Variants in NLRC3 observed in about 807,000 individuals in gnomAD.
NLRC3 encodes the protein NLR family CARD domain-containing protein 3.
In NLRC3, 87 loss-of-function variants were observed where a neutral mutation model predicts 91.6. That is an observed-to-expected ratio of 0.95 (90% CI 0.80 to 1.14). The LOEUF is 1.14. Among genes scored for constraint, NLRC3 ranks in the 50% most tolerant of loss-of-function variants. The probability of loss-of-function intolerance (pLI) is 0.00; values close to 1 mark genes in which losing one functional copy is unlikely to be tolerated. For synonymous variants in NLRC3, 694 were observed against 625.3 expected (o/e 1.11, Z -1.64); for missense variants, 1,577 against 1,418.6 (o/e 1.11, Z -1.79).
chr16:3,570,204 C>T (rs1449685057), intron 1 of NLRC3, among the ~76,000 whole-genome samples: 1 of 152,010 alleles, frequency 6.6e-6, no homozygotes, highest in Non-Finnish European at 1.5e-5. Flanking sequence ...CTCCTGACCT[C>T]AAGTGATCCA....
rs144685315 is a variant in NLRC3 at position 3,563,689 on chromosome 16, G to A, written c.1248C>T (p.Tyr416=). The A allele has an allele frequency of 3.8e-4, 612 of 1,613,668 alleles. 5 individuals are homozygous for A. The African/African-American group carries it at 7.4e-3, about 19-fold the overall frequency. Residue 416 remains tyrosine, a synonymous_variant, in exon 5 of 20, where the codon TAC becomes TAT. Coordinates refer to ENST00000359128, the MANE Select transcript of NLRC3 (RefSeq NM_178844.4). ...HGLLKKKYVF[Y]EQDMKAFGVD... is the part of the protein sequence containing the mutation. ...CACCAAACGCCTTCATGTCTTGCTC[G>A]TAAAACACGTATTTCTTCTTGAGCA...
intron 8 of NLRC3, among the ~76,000 whole-genome samples, chr16:3,556,593 T>G (rs1043425536): frequency 1.3e-5 from 2 of 151,998 alleles, no homozygotes; most frequent in Non-Finnish European, 2.9e-5. Context: ...CAACCTCTGC[T>G]TCCCAGACTC....
At chr16:3,550,536 G>T in intron 10 of NLRC3, 39 bp from the exon 11 acceptor site, 1 of 1,482,420 alleles carries the variant, frequency 6.7e-7, no homozygotes, top group Non-Finnish European at 9.4e-7. Flanking sequence ...GCCTCTGGGA[G>T]CTGCCAGGCA....
intron 15 of NLRC3, among the ~76,000 whole-genome samples, chr16:3,547,431 G>A (rs2038747820): frequency 6.6e-6 from 1 of 152,250 alleles, no homozygotes; most frequent in Non-Finnish European, 1.5e-5. Context: ...AATGGGTAGT[G>A]AGTGCTAACG....
chr16:3,575,958 A>C (rs2040274529), intron 1 of NLRC3, among the ~76,000 whole-genome samples: 1 of 152,070 alleles, frequency 6.6e-6, no homozygotes, highest in Non-Finnish European at 1.5e-5. Flanking sequence ...TGGCCCCAGC[A>C]TCATCACTTG....
intron 16 of NLRC3, 129 bp from the exon 17 acceptor site, chr16:3,543,637 C>T (rs940024545): frequency 2.1e-5 from 14 of 681,544 alleles, no homozygotes; most frequent in African/African-American, 3.5e-5. Context: ...GGTTGGCCAG[C>T]GCTGTGTCTA....
chr16:3,542,998 G>A, intron 17 of NLRC3: 7 of 560,750 alleles, frequency 1.2e-5, no homozygotes, highest in Admixed American at 3.2e-5. Context: ...GGTTGTTGGA[G>A]CCTTCCTCCT....
intron 16 of NLRC3, 64 bp downstream of exon 16, chr16:3,544,182 C>A (rs2151080698): frequency 4.4e-6 from 4 of 909,670 alleles, no homozygotes; most frequent in Non-Finnish European, 5.3e-6. Context: ...AAAAAAAAGA[C>A]CTCTAACGTG....
chr16:3,557,082 G>A, intron 7 of NLRC3, 88 bp from the exon 8 acceptor site: 1 of 883,518 alleles, frequency 1.1e-6, no homozygotes, highest in Non-Finnish European at 1.9e-6. Context: ...TGAAATTCGT[G>A]ATCCTCTAAG....
Position 3,563,327 on chromosome 16 carries a change from C to A in NLRC3, c.1610G>T (p.Gly537Val). The change falls in exon 5 of 20, where the codon GGC becomes GTC. Residue 537 changes from glycine to valine, a missense_variant. Coordinates refer to ENST00000359128, the MANE Select transcript of NLRC3 (RefSeq NM_178844.4). ...CTGGGTCCGGTAGGCCTGGTGCTCG[C>A]CTTGGGCCAGCAGGGAGCCGGCCAG... ...ALLAGSLLAQGEHQAYRTQVA... is the reference protein window; with the variant it reads ...ALLAGSLLAQVEHQAYRTQVA... 6.3e-7 allele frequency: 1 copy of A among 1,596,126 alleles called. No homozygotes were observed.
intron 10 of NLRC3, among the ~76,000 whole-genome samples, chr16:3,551,754 C>CCCATTCAT (rs147150757): frequency 0.91 from 136,332 of 150,118 alleles, 62,120 homozygotes; most frequent in Middle Eastern, 0.98. Flanking sequence ...CATCCATTCA[C>CCCATTCAT]CAGTCCTCTC....
intron 1 of NLRC3, 85 bp downstream of exon 1, chr16:3,577,064 C>G (rs2040332765): frequency 1.4e-6 from 1 of 702,394 alleles, no homozygotes; most frequent in African/African-American, 1.7e-5. Context: ...CCCAGAGTAG[C>G]TCAGGCCTTA....
chr16:3,550,413 C>T lies in NLRC3; in HGVS notation c.2435+1G>A. 1 of 1,604,458 alleles carries T rather than the reference C, an allele frequency of 6.2e-7. No individual in the cohort carries two copies. Among genetic ancestry groups the T allele is most frequent in the Non-Finnish European group, 8.5e-7 (1 of 1,171,148 alleles). On this transcript the variant is annotated splice_donor_variant, in intron 11 of 19. Coordinates refer to ENST00000359128, the MANE Select transcript of NLRC3 (RefSeq NM_178844.4). LOFTEE classifies it high-confidence loss of function. ...ATCGTCACCCTGGCAGGTGGACTCACTCCAGGCTCTCCAGGCCCTGGTTCA... is the reference window on the plus strand; with the variant it reads ...ATCGTCACCCTGGCAGGTGGACTCATTCCAGGCTCTCCAGGCCCTGGTTCA...
Position 3,556,447 on chromosome 16 carries a change from G to A in NLRC3, c.2183+464C>T, listed in dbSNP as rs140221250. ...GAAGAGCTGGACCCTGGAAACTTGC[G>A]TAGGGCATAAGATCCCCAGTACCCA... On this transcript the variant is annotated intron_variant, in intron 8 of 19. Coordinates refer to ENST00000359128, the MANE Select transcript of NLRC3 (RefSeq NM_178844.4). 1.9e-3 allele frequency among the ~76,000 whole-genome samples: 291 copies of A among 151,042 alleles called. 3 individuals are homozygous for A. The highest frequency in any genetic ancestry group is 6.3e-3 in the African/African-American group (259 of 41,188).
chr16:3,570,906 C>A (rs1220097181), intron 1 of NLRC3, among the ~76,000 whole-genome samples: 1 of 152,110 alleles, frequency 6.6e-6, no homozygotes, highest in Non-Finnish European at 1.5e-5. Context: ...CCATGAGCTA[C>A]ACTAAATGAT....
At chr16:3,574,286 C>T (rs770526700) in intron 1 of NLRC3, among the ~76,000 whole-genome samples, 41 of 152,066 alleles carry the variant, frequency 2.7e-4, no homozygotes, top group Non-Finnish European at 4.6e-4. Context: ...CCACTGCGCC[C>T]GGCCTTGTGG....
Position 3,548,598 on chromosome 16 carries a change from A to T in NLRC3, c.2687+72T>A, listed in dbSNP as rs115703422. 4.4e-6 allele frequency: 5 copies of T among 1,145,014 alleles called. No individual in the cohort carries two copies. The African/African-American group carries it at 6.1e-5, about 14-fold the overall frequency. The allele number at this position is 1,145,014 out of a possible 1,614,324, so 70.9% of individuals were successfully genotyped here. A position where few individuals can be genotyped will look rare whatever the true frequency, so the allele number is the denominator to read the frequency against. On this transcript the variant is annotated intron_variant, in intron 14 of 19. Coordinates refer to ENST00000359128, the MANE Select transcript of NLRC3 (RefSeq NM_178844.4). Reference sequence around the variant, plus strand: ...TCCCCAAACCAGGTGTGGCCTGTGCATCGTTGGTTTGGGTGGAGCCCGGCA... The same window carrying T: ...TCCCCAAACCAGGTGTGGCCTGTGCTTCGTTGGTTTGGGTGGAGCCCGGCA...
chr16:3,542,162 G>C (rs1250431566), intron 19 of NLRC3, 29 bp downstream of exon 19: 2 of 1,484,286 alleles, frequency 1.3e-6, no homozygotes, highest in South Asian at 1.2e-5. Context: ...GCAGTTCTAA[G>C]GGTGAGCAGG....
At chr16:3,544,162 G>GAA (rs60164526) in intron 16 of NLRC3, 84 bp downstream of exon 16, 692 of 668,976 alleles carry the variant, frequency 1.0e-3, no homozygotes, top group Middle Eastern at 2.0e-3. Flanking sequence ...TTGTCTCGAG[G>GAA]AAAAAAAAAA....
Sources: gnomAD v4.1 joint callset for allele counts (sites outside exome capture counted in the v4.1 genomes callset) on GRCh38, gnomAD v4.1.1 for gene constraint, MANE v1.5 for transcripts, NCBI Gene and HGNC (gene_info 2026-07-23, HGNC 2026-07-21) for gene names.